The following TSHZ2 variants were observed in gnomAD, a reference collection of about 807,000 sequenced individuals.
The protein encoded by TSHZ2 is teashirt zinc finger homeobox 2, also known as teashirt homolog 2.
TSHZ2 carries 21 observed loss-of-function variants against 74.4 expected under a neutral mutation model. That is an observed-to-expected ratio of 0.28 (90% CI 0.20 to 0.41). The LOEUF is 0.41. TSHZ2 is among the 10% of genes least tolerant of loss of function. The probability of loss-of-function intolerance (pLI) is 1.00; values close to 1 mark genes in which losing one functional copy is unlikely to be tolerated. For missense variants in TSHZ2, 1,244 were observed against 1,293.5 expected, an observed-to-expected ratio of 0.96 and a Z score of 0.59; for synonymous variants, 540 against 515.3, an observed-to-expected ratio of 1.05 and a Z score of -0.65.
chr20:53,347,571 T>TTGTC (rs1232995939), intron 2 of TSHZ2, among the ~76,000 whole-genome samples: 3 of 152,228 alleles, frequency 2.0e-5, no homozygotes, highest in African/African-American at 7.2e-5. Context: ...GATTTATTTA[T>TTGTC]TGTCTGTCTC....
At position 53,049,764 on chromosome 20, in the gene TSHZ2, G is replaced by GA. The variant is rs543120901; in HGVS notation, c.40+76438dup. Among the ~76,000 whole-genome samples, 10 of 151,960 alleles carry GA rather than the reference G, an allele frequency of 6.6e-5. No homozygotes were observed. In the East Asian group the frequency reaches 1.2e-3, roughly 18 times the overall value. Reference sequence around the variant, plus strand: ...AGCACACAGCACAGTGCCCTAAGGGGAAAAAAAGCAGCATTTGAATCAATA... The same window carrying GA: ...AGCACACAGCACAGTGCCCTAAGGGGAAAAAAAAGCAGCATTTGAATCAATA... On this transcript the variant is annotated intron_variant, in intron 1 of 2. Coordinates refer to ENST00000371497, the MANE Select transcript of TSHZ2 (RefSeq NM_173485.6).
intron 1 of TSHZ2, among the ~76,000 whole-genome samples, chr20:53,105,410 T>C (rs1986332818): frequency 6.6e-6 from 1 of 152,202 alleles, no homozygotes; most frequent in Admixed American, 6.5e-5. Context: ...GCCCCTTTAA[T>C]AGTGGTGATA....
At chr20:53,388,755 A>G (rs188148343) in intron 2 of TSHZ2, among the ~76,000 whole-genome samples, 1 of 151,688 alleles carries the variant, frequency 6.6e-6, no homozygotes, top group Admixed American at 6.6e-5. Context: ...CTAATTTTGT[A>G]TTTTTAGTAG....
At chr20:53,390,835 C>T (rs538060244) in intron 2 of TSHZ2, among the ~76,000 whole-genome samples, 161 of 152,216 alleles carry the variant, frequency 1.1e-3, no homozygotes, top group African/African-American at 3.7e-3. Context: ...TTTTAATGAT[C>T]GACATTCTAA....
At chr20:53,215,127 G>T (rs1989405238) in intron 1 of TSHZ2, among the ~76,000 whole-genome samples, 1 of 152,054 alleles carries the variant, frequency 6.6e-6, no homozygotes, top group African/African-American at 2.4e-5. Context: ...TTTTTTTAAA[G>T]ATTATCTCAT....
At chr20:53,309,201 T>C (rs1008659369) in intron 2 of TSHZ2, among the ~76,000 whole-genome samples, 7 of 152,188 alleles carry the variant, frequency 4.6e-5, no homozygotes, top group African/African-American at 1.7e-4. Flanking sequence ...CAAAACCTTA[T>C]ATTTATTCAA....
chr20:53,479,573 A>G (rs1986090044), intron 2 of TSHZ2, among the ~76,000 whole-genome samples: 1 of 152,262 alleles, frequency 6.6e-6, no homozygotes. Flanking sequence ...AAAGCAAAAT[A>G]CAGGTTCTCT....
intron 2 of TSHZ2, among the ~76,000 whole-genome samples, chr20:53,336,474 G>A (rs1038596370): frequency 6.6e-6 from 1 of 152,182 alleles, no homozygotes; most frequent in Non-Finnish European, 1.5e-5. Flanking sequence ...AAAGAAGAAT[G>A]CCCTGAATTC....
intron 2 of TSHZ2, among the ~76,000 whole-genome samples, chr20:53,284,675 A>C (rs1342991815): frequency 6.6e-6 from 1 of 152,112 alleles, no homozygotes; most frequent in Non-Finnish European, 1.5e-5. Context: ...ATTACTTTTA[A>C]TTAGCAAATC....
intron 2 of TSHZ2, among the ~76,000 whole-genome samples, chr20:53,308,548 A>G (rs1448472880): frequency 1.3e-5 from 2 of 152,156 alleles, no homozygotes; most frequent in Non-Finnish European, 2.9e-5. Flanking sequence ...TCCATGTCGA[A>G]TGCACGTTGA....
chr20:53,335,159 G>A (rs918751279), intron 2 of TSHZ2, among the ~76,000 whole-genome samples: 1 of 152,150 alleles, frequency 6.6e-6, no homozygotes, highest in African/African-American at 2.4e-5. Context: ...CGCCTGGACA[G>A]TTTTCTTAAA....
At position 53,255,096 on chromosome 20, in the gene TSHZ2, A is replaced by G; in HGVS notation, c.1638A>G (p.Ala546=). ...GGAGTGCCTACCCCAGCATCCACGCAGCCTACCAGCTGTCTGAGGGCACCA... is the reference window on the plus strand; with the variant it reads ...GGAGTGCCTACCCCAGCATCCACGCGGCCTACCAGCTGTCTGAGGGCACCA... ...PSWSAYPSIH[A]AYQLSEGTKP... The change falls in exon 2 of 3, where the codon GCA becomes GCG. Residue 546 remains alanine (A), a synonymous_variant. Transcript: ENST00000371497. The surrounding 1 kb of genome is among the most constrained non-coding windows in gnomAD (Gnocchi z 4.1). The G allele has an allele frequency of 6.2e-7, 1 of 1,614,156 alleles. No homozygotes were observed. The highest frequency in any genetic ancestry group is 1.6e-4 in the Middle Eastern group (1 of 6,062).
intron 2 of TSHZ2, among the ~76,000 whole-genome samples, chr20:53,301,249 C>T (rs993387372): frequency 1.3e-5 from 2 of 152,164 alleles, no homozygotes; most frequent in Non-Finnish European, 2.9e-5. Context: ...TGAGCCACTG[C>T]GCCTAGCCCC....
At chr20:53,402,150 G>A (rs535165321) in intron 2 of TSHZ2, among the ~76,000 whole-genome samples, 20 of 152,204 alleles carry the variant, frequency 1.3e-4, no homozygotes, top group South Asian at 1.2e-3. Context: ...TTGCAATTGC[G>A]AATTGTGCTG....
chr20:53,261,088 C>G (rs1027661098), intron 2 of TSHZ2, among the ~76,000 whole-genome samples: 2 of 152,198 alleles, frequency 1.3e-5, no homozygotes, highest in African/African-American at 4.8e-5. Flanking sequence ...GAACCCAGGA[C>G]TGTCCAATGC....
chr20:53,255,711 C>A lies in TSHZ2; in HGVS notation c.2253C>A (p.Ser751Arg). Residue 751 changes from serine (S) to arginine (R), a missense_variant, in exon 2 of 3, where the codon AGC becomes AGA. Around this residue, in one of 6 missense-constraint regions of TSHZ2, gnomAD observed 562 missense variants for 544.0 expected, o/e 1.03. Coordinates refer to ENST00000371497, the MANE Select transcript of TSHZ2 (RefSeq NM_173485.6). This position sits in a 1 kb window ranked among gnomAD's most constrained non-coding sequence, Gnocchi z 4.1. ...VLSPASTRSA[S>R]VSRRYLFENS... is the part of the protein sequence containing the mutation. Reference sequence around the variant, plus strand: ...GTCCTGCCTCCACAAGGTCAGCCAGCGTGTCCAGGCGCTACCTGTTTGAGA... The same window carrying A: ...GTCCTGCCTCCACAAGGTCAGCCAGAGTGTCCAGGCGCTACCTGTTTGAGA... The A allele has an allele frequency of 1.9e-6, 3 of 1,604,838 alleles. No homozygotes were observed. The highest frequency in any genetic ancestry group is 2.6e-6 in the Non-Finnish European group (3 of 1,175,628).
intron 1 of TSHZ2, among the ~76,000 whole-genome samples, chr20:53,065,927 A>T (rs1466686890): frequency 6.6e-6 from 1 of 152,200 alleles, no homozygotes; most frequent in Non-Finnish European, 1.5e-5. Context: ...GTGTTTACAG[A>T]CATCCAAGAA....
At chr20:53,202,766 T>C (rs969387444) in intron 1 of TSHZ2, among the ~76,000 whole-genome samples, 1 of 152,190 alleles carries the variant, frequency 6.6e-6, no homozygotes, top group Non-Finnish European at 1.5e-5. Context: ...GGAAGTCAGG[T>C]TTAGCATTGG....
intron 1 of TSHZ2, among the ~76,000 whole-genome samples, chr20:53,104,112 T>G (rs984168480): frequency 6.6e-6 from 1 of 152,094 alleles, no homozygotes; most frequent in African/African-American, 2.4e-5. Context: ...GACATCGCGC[T>G]CTGCAGAGGT....
Sources: allele counts gnomAD v4.1 joint callset (sites outside exome capture counted in the v4.1 genomes callset), GRCh38; gene constraint gnomAD v4.1.1; regional missense constraint gnomAD v4.1.1; non-coding constraint Gnocchi (gnomAD v3.1); transcripts MANE v1.5; gene names NCBI Gene and HGNC (gene_info 2026-07-23, HGNC 2026-07-21).